The following UVRAG variants were observed in gnomAD, a reference collection of about 807,000 sequenced individuals.
UVRAG encodes the protein UV radiation resistance associated.
A neutral mutation model predicts 78.0 loss-of-function variants in UVRAG; 19 were observed. That is an observed-to-expected ratio of 0.24 (90% confidence interval 0.17 to 0.36). UVRAG has a LOEUF of 0.36. Ranked by LOEUF, UVRAG falls within the 10% of genes least tolerant of loss-of-function variation. UVRAG has a pLI of 1.00. For missense variants in UVRAG, 740 were observed against 853.8 expected (o/e 0.87, Z 1.66); for synonymous variants, 323 against 324.6 (o/e 1.00, Z 0.05).
intron 13 of UVRAG, among the ~76,000 whole-genome samples, chr11:76,107,501 T>C (rs755760642): frequency 2.6e-5 from 4 of 152,224 alleles, no homozygotes; most frequent in Non-Finnish European, 5.9e-5. Context: ...TAGGCTTCAG[T>C]CCTCAGAATG....
intron 13 of UVRAG, among the ~76,000 whole-genome samples, chr11:76,101,637 G>A (rs1386574428): frequency 2.0e-5 from 3 of 152,046 alleles, no homozygotes; most frequent in Admixed American, 6.6e-5. Context: ...TGGTGTCTTC[G>A]TCATGAAACC....
At chr11:75,978,908 G>A (rs1949320477) in intron 7 of UVRAG, among the ~76,000 whole-genome samples, 2 of 152,160 alleles carry the variant, frequency 1.3e-5, no homozygotes. Flanking sequence ...GCTTTGTTTA[G>A]TTGCTGGCAA....
At chr11:76,130,076 G>T (rs550758427) in intron 14 of UVRAG, among the ~76,000 whole-genome samples, 3 of 152,016 alleles carry the variant, frequency 2.0e-5, no homozygotes, top group African/African-American at 7.2e-5. Context: ...TGACCTTTTG[G>T]GTCCTCAAAC....
At chr11:76,099,522 G>T (rs565634272) in intron 13 of UVRAG, among the ~76,000 whole-genome samples, 35 of 152,222 alleles carry the variant, frequency 2.3e-4, no homozygotes, top group African/African-American at 7.9e-4. Context: ...CTATTTGTAT[G>T]TTAAGTAGGA....
intron 14 of UVRAG, chr11:76,137,489 A>T (rs1952620218): frequency 2.2e-6 from 1 of 455,942 alleles, no homozygotes; most frequent in Non-Finnish European, 4.4e-6. Context: ...TGAAAGGTTA[A>T]ATCTCATAGA....
At chr11:75,869,672 G>A (rs1423023332) in intron 3 of UVRAG, among the ~76,000 whole-genome samples, 1 of 152,222 alleles carries the variant, frequency 6.6e-6, no homozygotes, top group Non-Finnish European at 1.5e-5. Context: ...AGTTTGGAGG[G>A]AGAAGTTAGG....
chr11:75,815,611 C>A (rs569327712), intron 1 of UVRAG, 87 bp downstream of exon 1: 10 of 863,878 alleles, frequency 1.2e-5, no homozygotes, highest in Non-Finnish European at 1.5e-5. Flanking sequence ...CCCCGCGAGC[C>A]GGGACACCCA....
In UVRAG at chr11:75,966,391, C is replaced by T. The variant is rs114547312; in HGVS notation, c.699+4842C>T. Among the ~76,000 whole-genome samples, 1,403 of 151,896 alleles carry T rather than the reference C, an allele frequency of 9.2e-3. 20 individuals carry two copies. Among genetic ancestry groups the T allele is most frequent in the African/African-American group, 0.033 (1,351 of 41,238 alleles). On this transcript the variant is annotated intron_variant, in intron 7 of 14. Coordinates refer to ENST00000356136, the MANE Select transcript of UVRAG (RefSeq NM_003369.4). ...GATTTTGGTAGTAGGATTATGGTAG[C>T]CTGGTAAAATTAGTTGGGCAGTGTT...
At chr11:75,990,703 T>C (rs1022935108) in intron 8 of UVRAG, among the ~76,000 whole-genome samples, 2 of 152,214 alleles carry the variant, frequency 1.3e-5, no homozygotes, top group Non-Finnish European at 2.9e-5. Flanking sequence ...GGCTCCCTTC[T>C]CTTTCTCCTC....
intron 14 of UVRAG, among the ~76,000 whole-genome samples, chr11:76,139,706 G>T (rs1041931665): frequency 6.6e-6 from 1 of 152,076 alleles, no homozygotes; most frequent in Non-Finnish European, 1.5e-5. Flanking sequence ...TCATTTCCAG[G>T]ATGTAGATAC....
intron 8 of UVRAG, among the ~76,000 whole-genome samples, chr11:76,003,104 G>A (rs1949849840): frequency 6.6e-6 from 1 of 151,602 alleles, no homozygotes; most frequent in South Asian, 2.1e-4. Flanking sequence ...TGAGGTATGA[G>A]GGTATCATTT....
At chr11:76,088,794 A>G (rs553048550) in intron 13 of UVRAG, among the ~76,000 whole-genome samples, 1 of 152,280 alleles carries the variant, frequency 6.6e-6, no homozygotes, top group African/African-American at 2.4e-5. Context: ...TGCCCTCCTG[A>G]ACAGAGTTAT....
At chr11:76,136,373 A>C (rs1183488560) in intron 14 of UVRAG, among the ~76,000 whole-genome samples, 1 of 152,206 alleles carries the variant, frequency 6.6e-6, no homozygotes, top group Non-Finnish European at 1.5e-5. Flanking sequence ...GGAATAATTA[A>C]GTAAATTATG....
At chr11:75,873,025 C>T (rs1946687410) in intron 3 of UVRAG, among the ~76,000 whole-genome samples, 1 of 152,146 alleles carries the variant, frequency 6.6e-6, no homozygotes, top group Admixed American at 6.5e-5. Flanking sequence ...GGTGATGTGT[C>T]ATGCCAGGTG....
At chr11:76,118,909 ATCTC>A (rs1952230046) in intron 14 of UVRAG, among the ~76,000 whole-genome samples, 1 of 152,328 alleles carries the variant, frequency 6.6e-6, no homozygotes, top group South Asian at 2.1e-4. Context: ...AGGAGGAAGT[ATCTC>A]TATCTTAAAG....
chr11:75,857,361 T>C (rs1437213403), intron 2 of UVRAG, among the ~76,000 whole-genome samples: 1 of 152,274 alleles, frequency 6.6e-6, no homozygotes, highest in East Asian at 1.9e-4. Context: ...GCTGAAATTG[T>C]AGCTGTTGCT....
chr11:75,884,774 A>G (rs1192653962), intron 4 of UVRAG, among the ~76,000 whole-genome samples: 3 of 152,042 alleles, frequency 2.0e-5, no homozygotes, highest in Non-Finnish European at 2.9e-5. Flanking sequence ...CCAATACCAA[A>G]TTGTCTTGAT....
chr11:76,009,473 C>T (rs1401307702), intron 11 of UVRAG, among the ~76,000 whole-genome samples: 1 of 151,948 alleles, frequency 6.6e-6, no homozygotes, highest in Non-Finnish European at 1.5e-5. Flanking sequence ...TTTGGCATAT[C>T]AGTGATCATT....
chr11:75,880,044 AT>A lies in UVRAG; in HGVS notation c.432+9del. 1 of 1,613,800 alleles carries A rather than the reference AT, an allele frequency of 6.2e-7. No individual in the cohort carries two copies. Among genetic ancestry groups the A allele is most frequent in the Non-Finnish European group, 8.5e-7 (1 of 1,179,790 alleles). ...GCTGAAATACTTGGGTCAGCAGGTA[AT>A]TTTTAGACTGTAGTTTCAAGTAGTT... On this transcript the variant is annotated splice_donor_5th_base_variant and intron_variant, in intron 4 of 14. Coordinates refer to ENST00000356136, the MANE Select transcript of UVRAG (RefSeq NM_003369.4).
Sources: gnomAD v4.1 joint callset for allele counts (sites outside exome capture counted in the v4.1 genomes callset) on GRCh38, gnomAD v4.1.1 for gene constraint, MANE v1.5 for transcripts, NCBI Gene and HGNC (gene_info 2026-07-23, HGNC 2026-07-21) for gene names.